The following POMT2 variants were observed in gnomAD, a reference collection of about 807,000 sequenced individuals.
The protein encoded by POMT2 is protein O-mannosyltransferase 2, also known as protein O-mannosyl-transferase 2.
A neutral mutation model predicts 100.0 loss-of-function variants in POMT2; 75 were observed. The observed-to-expected ratio is 0.75, with a 90% CI of 0.62 to 0.91. The LOEUF is 0.91. POMT2 is among the 40% of genes least tolerant of loss of function. The pLI is 0.00. For synonymous variants in POMT2, 378 were observed against 374.1 expected (o/e 1.01, Z -0.12); for missense variants, 940 against 955.1 (o/e 0.98, Z 0.21).
chr14:77,291,510 C>A, intron 9 of POMT2, 130 bp from the exon 10 acceptor site: 1 of 1,297,202 alleles, frequency 7.7e-7, no homozygotes, highest in Non-Finnish European at 1.1e-6. Context: ...CCCCAGCCAC[C>A]AACCTGAGGG....
chr14:77,320,463 G>T lies in POMT2; in HGVS notation c.219C>A (p.Phe73Leu). ...LVTLLSFATR[F>L]HRLDEPPHIC... ...TGTGCGGCGGCTCGTCCAAGCGGTG[G>T]AAGCGGGTGGCGAAGGACAGCAGCG... The change falls in exon 1 of 21, where the codon TTC (phenylalanine) becomes TTA (leucine). Residue 73 changes from phenylalanine to leucine, a missense_variant. Coordinates refer to ENST00000261534, the MANE Select transcript of POMT2 (RefSeq NM_013382.7). 2 of 1,545,846 alleles carry T rather than the reference G, an allele frequency of 1.3e-6. No individual in the cohort carries two copies. The highest frequency in any genetic ancestry group is 1.7e-6 in the Non-Finnish European group (2 of 1,147,056).
intron 10 of POMT2, 118 bp downstream of exon 10, chr14:77,291,196 G>A: frequency 4.5e-6 from 4 of 896,360 alleles, no homozygotes; most frequent in South Asian, 4.3e-5. Flanking sequence ...ATAAGTAAAG[G>A]TGTCAAAGAT....
At chr14:77,310,912 C>A (rs1891412810) in intron 2 of POMT2, among the ~76,000 whole-genome samples, 1 of 152,178 alleles carries the variant, frequency 6.6e-6, no homozygotes, top group Non-Finnish European at 1.5e-5. Context: ...GGCGGGTGGA[C>A]CACCTGAGGT....
intron 1 of POMT2, 136 bp from the exon 2 acceptor site, chr14:77,312,169 T>G: frequency 7.3e-7 from 1 of 1,372,870 alleles, no homozygotes; most frequent in Non-Finnish European, 9.7e-7. Context: ...AAAAAAAAAA[T>G]ATTTTGACAC....
intron 7 of POMT2, 84 bp from the exon 8 acceptor site, chr14:77,298,855 C>G: frequency 7.8e-7 from 1 of 1,278,916 alleles, no homozygotes; most frequent in East Asian, 2.5e-5. Flanking sequence ...GAGCTCTGCT[C>G]AGATAGTTTA....
At chr14:77,277,773 AATGTAACCCTCTTAG>A (rs1890025835) in intron 20 of POMT2, among the ~76,000 whole-genome samples, 1 of 152,148 alleles carries the variant, frequency 6.6e-6, no homozygotes, top group South Asian at 2.1e-4. Context: ...TCAACATGTG[AATGTAACCCTCTTAG>A]GCAGGCATGT....
intron 1 of POMT2, 169 bp downstream of exon 1, chr14:77,320,265 C>CT (rs1217678523): frequency 8.7e-7 from 1 of 1,148,560 alleles, no homozygotes; most frequent in African/African-American, 1.5e-5. Flanking sequence ...AACGATCCCC[C>CT]TCCCAGAGAA....
chr14:77,279,252 A>T (rs908176673), intron 18 of POMT2: 5 of 379,792 alleles, frequency 1.3e-5, no homozygotes, highest in South Asian at 2.1e-5. Flanking sequence ...TGGAGTGAGG[A>T]GGTGTCTGGG....
At chr14:77,309,885 C>T (rs919067011) in intron 2 of POMT2, among the ~76,000 whole-genome samples, 1 of 152,082 alleles carries the variant, frequency 6.6e-6, no homozygotes. Context: ...ACCACGTTGG[C>T]CAGGCTGGGC....
rs558084051 is a variant in POMT2 at position 77,320,746 on chromosome 14, A to C, written c.-65T>G. The C allele has an allele frequency of 8.6e-5, 134 of 1,560,772 alleles. No homozygotes were observed. The African/African-American group carries it at 1.4e-3, about 16-fold the overall frequency. On this transcript the variant is annotated 5_prime_UTR_variant, in exon 1 of 21. Transcript: ENST00000261534. ...ACTTTGTCTGACCAGCCGCCCCGCC[A>C]AGGAGTCACAAGAGGGCAGCTCGGG... is the stretch of plus-strand genomic sequence containing the variant.
At chr14:77,315,023 C>T (rs1002019240) in intron 1 of POMT2, among the ~76,000 whole-genome samples, 2 of 152,148 alleles carry the variant, frequency 1.3e-5, no homozygotes, top group Non-Finnish European at 2.9e-5. Flanking sequence ...GTTTCCATGT[C>T]CCTAAAGGGG....
Position 77,278,411 on chromosome 14 carries a change from G to T in POMT2, c.2130C>A (p.Leu710=). The T allele has an allele frequency of 6.8e-7, 1 of 1,473,178 alleles. No individual in the cohort carries two copies. The highest frequency in any genetic ancestry group is 1.2e-5 in the South Asian group (1 of 82,450). 91.3% of individuals were successfully genotyped at this position (1,473,178 alleles called of 1,614,324 possible). A position where few individuals can be genotyped will look rare whatever the true frequency, so the allele number is the denominator to read the frequency against. Residue 710 remains leucine, a synonymous_variant, in exon 20 of 21, where the codon CTC becomes CTA. Coordinates refer to ENST00000261534, the MANE Select transcript of POMT2 (RefSeq NM_013382.7). ...GIHVAGILSL[L]LGTAYSFYLF... ...ATGCTCACCTGTAGGCAGTTCCCAG[G>T]AGCAGGCTCAGGATTCCCGCCACAT...
At chr14:77,320,319 C>T in intron 1 of POMT2, 115 bp downstream of exon 1, 1 of 1,520,124 alleles carries the variant, frequency 6.6e-7, no homozygotes, top group Non-Finnish European at 8.8e-7. Flanking sequence ...TCAAGTTCCC[C>T]TCCACCGTGG....
At chr14:77,311,745 G>C (rs1216321745) in intron 2 of POMT2, among the ~76,000 whole-genome samples, 2 of 152,042 alleles carry the variant, frequency 1.3e-5, no homozygotes, top group Non-Finnish European at 2.9e-5. Context: ...CAGCTGATGG[G>C]CCCTCTTTCC....
In POMT2 at chr14:77,278,736, C is replaced by T. The variant is rs764302809; in HGVS notation, c.2025G>A (p.Met675Ile). 1.2e-6 allele frequency: 2 copies of T among 1,613,952 alleles called. No individual in the cohort carries two copies. Among genetic ancestry groups the T allele is most frequent in the South Asian group, 1.1e-5 (1 of 91,080 alleles). Residue 675 changes from methionine to isoleucine, a missense_variant, in exon 19 of 21, where the codon ATG becomes ATA. By Grantham distance (10) the Met-to-Ile change is conservative. Coordinates refer to ENST00000261534, the MANE Select transcript of POMT2 (RefSeq NM_013382.7). ...CAGGTGGGTGGCACTGACCTGTCAACATGCTTGAGAAGAGCATGGCTGGGA... is the reference window on the plus strand; with the variant it reads ...CAGGTGGGTGGCACTGACCTGTCAATATGCTTGAGAAGAGCATGGCTGGGA... ...HYFPAMLFSS[M>I]LTGILWDTLL...
rs139302628 is a variant in POMT2, at chr14:77,285,283, C to T, written c.1484+198G>A. 579 of 758,520 alleles carry T rather than the reference C, an allele frequency of 7.6e-4. 3 individuals carry two copies. The African/African-American group carries it at 9.5e-3, about 12-fold the overall frequency. 47.0% of individuals were successfully genotyped at this position (758,520 alleles called of 1,614,324 possible). On this transcript the variant is annotated intron_variant, in intron 13 of 20. Transcript: ENST00000261534. ...GCCAGATGTGAAAATGTTGAACTATCAGAACACATAAAACACCGAAGCTCC... is the reference window on the plus strand; with the variant it reads ...GCCAGATGTGAAAATGTTGAACTATTAGAACACATAAAACACCGAAGCTCC...
chr14:77,318,807 C>T, intron 1 of POMT2, among the ~76,000 whole-genome samples: 1 of 148,888 alleles, frequency 6.7e-6, no homozygotes, highest in Non-Finnish European at 1.5e-5. Flanking sequence ...GCGATCTTAG[C>T]TCACTGCAAC....
chr14:77,288,686 T>C (rs1308018222), intron 11 of POMT2, 76 bp downstream of exon 11: 40 of 1,314,952 alleles, frequency 3.0e-5, no homozygotes, highest in Non-Finnish European at 4.2e-5. Flanking sequence ...AAATCTAACT[T>C]CTGTTTACTT....
chr14:77,299,365 C>T (rs998738973), intron 7 of POMT2, 90 bp downstream of exon 7: 14 of 1,168,022 alleles, frequency 1.2e-5, no homozygotes, highest in African/African-American at 4.5e-5. Flanking sequence ...ATCATTTTAA[C>T]CACAGACCCA....
Sources: allele counts gnomAD v4.1 joint callset (sites outside exome capture counted in the v4.1 genomes callset), GRCh38; gene constraint gnomAD v4.1.1; transcripts MANE v1.5; gene names NCBI Gene and HGNC (gene_info 2026-07-23, HGNC 2026-07-21).